TCF7L1: variants seen among roughly 807,000 people sequenced by gnomAD.
TCF7L1 encodes transcription factor 7 like 1, also known as transcription factor 7-like 1.
A neutral mutation model predicts 63.7 loss-of-function variants in TCF7L1; 18 were observed. The ratio of observed to expected loss-of-function variants is 0.28; its 90% CI spans 0.20 to 0.42. The LOEUF is 0.42. TCF7L1 is among the 10% of genes least tolerant of loss of function. The pLI is 1.00. For synonymous variants in TCF7L1, 355 were observed against 340.9 expected, an observed-to-expected ratio of 1.04 and a Z score of -0.46; for missense variants, 654 against 779.3, an observed-to-expected ratio of 0.84 and a Z score of 1.91.
chr2:85,216,269 C>T (rs997359909), intron 3 of TCF7L1, among the ~76,000 whole-genome samples: 2 of 152,138 alleles, frequency 1.3e-5, no homozygotes, highest in South Asian at 2.1e-4. Flanking sequence ...GCTTTTTTCC[C>T]CCCATCCCCC....
At chr2:85,265,630 C>T (rs1012249119) in intron 3 of TCF7L1, among the ~76,000 whole-genome samples, 6 of 152,248 alleles carry the variant, frequency 3.9e-5, no homozygotes, top group Admixed American at 6.5e-5. Context: ...GGCTTCCAAA[C>T]GGCTGAGGTC....
Position 85,307,541 on chromosome 2 carries a change from C to T in TCF7L1, c.1258-101C>T, listed in dbSNP as rs867586831. The T allele has an allele frequency of 2.1e-5, 20 of 939,988 alleles. No homozygotes were observed. The Middle Eastern group carries it at 9.4e-4, about 44-fold the overall frequency. The allele number at this position is 939,988 out of a possible 1,614,324, so 58.2% of individuals were successfully genotyped here. ...CACACTCTCCCTGAGGGATCGAGAG[C>T]AGTAAAGGGCAACGTCCTGTCTTCT... On this transcript the variant is annotated intron_variant, in intron 10 of 11. Transcript: ENST00000282111.
chr2:85,251,761 A>C (rs1680592672), intron 3 of TCF7L1, among the ~76,000 whole-genome samples: 1 of 152,168 alleles, frequency 6.6e-6, no homozygotes, highest in Non-Finnish European at 1.5e-5. Context: ...TTTCCCATTC[A>C]AATTCCGATT....
At chr2:85,139,009 T>G (rs1254282728) in intron 3 of TCF7L1, among the ~76,000 whole-genome samples, 5 of 152,130 alleles carry the variant, frequency 3.3e-5, no homozygotes, top group Non-Finnish European at 7.4e-5. Context: ...CTTTTTTTTT[T>G]TCTTTTCTTT....
intron 3 of TCF7L1, among the ~76,000 whole-genome samples, chr2:85,194,455 G>C (rs1383845101): frequency 6.6e-6 from 1 of 152,180 alleles, no homozygotes; most frequent in African/African-American, 2.4e-5. Context: ...GGCTGATAAT[G>C]AGCCAAGAGA....
intron 10 of TCF7L1, among the ~76,000 whole-genome samples, chr2:85,307,019 G>A (rs1464216790): frequency 2.0e-5 from 3 of 152,208 alleles, no homozygotes; most frequent in Non-Finnish European, 4.4e-5. Context: ...TACTTCTCTA[G>A]AAATAAGGAA....
intron 4 of TCF7L1, among the ~76,000 whole-genome samples, chr2:85,289,630 G>C (rs1417574288): frequency 6.6e-6 from 1 of 152,132 alleles, no homozygotes; most frequent in Non-Finnish European, 1.5e-5. Context: ...CTTCCTGGTT[G>C]CCTTTTATTT....
chr2:85,269,816 C>T (rs932637942), intron 3 of TCF7L1, among the ~76,000 whole-genome samples: 3 of 152,206 alleles, frequency 2.0e-5, no homozygotes, highest in African/African-American at 4.8e-5. Context: ...GATATGTAAG[C>T]CACATGTGCA....
intron 3 of TCF7L1, among the ~76,000 whole-genome samples, chr2:85,270,190 T>C (rs1398127497): frequency 1.3e-5 from 2 of 152,244 alleles, no homozygotes; most frequent in East Asian, 3.8e-4. Context: ...TGTTCCTCAC[T>C]GATTATACAC....
intron 3 of TCF7L1, among the ~76,000 whole-genome samples, chr2:85,271,855 G>T (rs1681159381): frequency 6.6e-6 from 1 of 152,150 alleles, no homozygotes; most frequent in African/African-American, 2.4e-5. Context: ...GTTTTAGAAA[G>T]ATATTTCTAG....
In TCF7L1 at chr2:85,241,437, GTTTTTTTTTTTTTTTT is replaced by G. The variant is rs772334481; in HGVS notation, c.442-42045_442-42030del. ...AGAGGACTGGATGCACTTTGTTTTT[GTTTTTTTTTTTTTTTT>G]TTTTTTTTTTTTGAGATGGAGTTTC... On this transcript the variant is annotated intron_variant, in intron 3 of 11. Transcript: ENST00000282111. Among the ~76,000 whole-genome samples, 6 of 83,072 alleles carry G rather than the reference GTTTTTTTTTTTTTTTT, an allele frequency of 7.2e-5. 1 individual carries two copies. Among genetic ancestry groups the G allele is most frequent in the African/African-American group, 1.2e-4 (3 of 26,058 alleles). 54.5% of individuals were successfully genotyped at this position (83,072 alleles called of 152,430 possible). A position where few individuals can be genotyped will look rare whatever the true frequency, so the allele number is the denominator to read the frequency against.
At chr2:85,278,957 C>T (rs1681348281) in intron 3 of TCF7L1, among the ~76,000 whole-genome samples, 1 of 152,244 alleles carries the variant, frequency 6.6e-6, no homozygotes. Context: ...TGCCATTCAT[C>T]ACCATTTCAA....
intron 3 of TCF7L1, among the ~76,000 whole-genome samples, chr2:85,178,578 C>T (rs1678730441): frequency 6.6e-6 from 1 of 152,202 alleles, no homozygotes; most frequent in African/African-American, 2.4e-5. Flanking sequence ...CGCTCCCACT[C>T]AGAGGGCTCT....
At chr2:85,256,592 C>G (rs1476204975) in intron 3 of TCF7L1, among the ~76,000 whole-genome samples, 4 of 152,196 alleles carry the variant, frequency 2.6e-5, no homozygotes, top group Non-Finnish European at 5.9e-5. Flanking sequence ...GCTCACAGCT[C>G]ATGTTTTAAT....
chr2:85,202,110 A>T (rs901317339), intron 3 of TCF7L1, among the ~76,000 whole-genome samples: 2 of 151,968 alleles, frequency 1.3e-5, no homozygotes, highest in Admixed American at 6.6e-5. Context: ...CTACAGGCAC[A>T]TGTCACCATG....
At chr2:85,300,189 C>G (rs907156837) in intron 4 of TCF7L1, among the ~76,000 whole-genome samples, 1 of 151,942 alleles carries the variant, frequency 6.6e-6, no homozygotes, top group African/African-American at 2.4e-5. Context: ...TTCTATTTAG[C>G]CTTTTTTTAA....
chr2:85,204,301 C>G lies in TCF7L1; in HGVS notation c.441+69851C>G, dbSNP rs966508392. On this transcript the variant is annotated intron_variant, in intron 3 of 11. Coordinates refer to ENST00000282111, the MANE Select transcript of TCF7L1 (RefSeq NM_031283.3). Reference sequence around the variant, plus strand: ...ATTTGATAACTTGCTTCCCCCCCCCCCCCCACTTAATAGGGTATCTCAGAG... The same window carrying G: ...ATTTGATAACTTGCTTCCCCCCCCCGCCCCACTTAATAGGGTATCTCAGAG... 1.8e-5 allele frequency among the ~76,000 whole-genome samples: 2 copies of G among 111,888 alleles called. 1 individual carries two copies. Among genetic ancestry groups the G allele is most frequent in the African/African-American group, 6.9e-5 (2 of 28,818 alleles). 73.4% of individuals were successfully genotyped at this position (111,888 alleles called of 152,430 possible).
chr2:85,136,514 G>T (rs2104178257), intron 3 of TCF7L1, among the ~76,000 whole-genome samples: 1 of 152,238 alleles, frequency 6.6e-6, no homozygotes, highest in African/African-American at 2.4e-5. Flanking sequence ...GTTCATCTCT[G>T]CAGTTGTTCC....
At chr2:85,275,644 G>A (rs1454222116) in intron 3 of TCF7L1, among the ~76,000 whole-genome samples, 1 of 152,122 alleles carries the variant, frequency 6.6e-6, no homozygotes, top group Non-Finnish European at 1.5e-5. Context: ...TAGGCCAGGT[G>A]CGGTGGCTCA....
Sources: gnomAD v4.1 joint callset for allele counts (sites outside exome capture counted in the v4.1 genomes callset) on GRCh38, gnomAD v4.1.1 for gene constraint, MANE v1.5 for transcripts, NCBI Gene and HGNC (gene_info 2026-07-23, HGNC 2026-07-21) for gene names.